GARNL3: variants seen among roughly 807,000 people sequenced by gnomAD.
GARNL3 encodes GTPase-activating Rap/Ran-GAP domain-like protein 3.
GARNL3 carries 63 observed loss-of-function variants against 125.0 expected under a neutral mutation model. The observed-to-expected ratio is 0.50, with a 90% confidence interval of 0.41 to 0.62. GARNL3 has a LOEUF of 0.62. GARNL3 is among the 20% of genes least tolerant of loss of function. GARNL3 has a pLI of 0.00. For missense variants in GARNL3, 994 were observed against 1,244.0 expected, an observed-to-expected ratio of 0.80 and a Z score of 3.02; for synonymous variants, 439 against 457.5, an observed-to-expected ratio of 0.96 and a Z score of 0.52.
At position 127,333,112 on chromosome 9, in the gene GARNL3, G is replaced by A; in HGVS notation, c.760G>A (p.Asp254Asn). The change falls in exon 9 of 28, where the codon GAT becomes AAT. Residue 254 changes from aspartate (D) to asparagine (N), a missense_variant. Coordinates refer to ENST00000373387, the MANE Select transcript of GARNL3 (RefSeq NM_032293.5). ...CTGGACGGGCTACCGTGGCGGTCTG[G>A]ATACCAAAAGTAAGCCTGCCTCTTG... ...KGWTGYRGGL[D>N]TKNDTTGIHS... 6.2e-7 allele frequency: 1 copy of A among 1,612,408 alleles called. No individual in the cohort carries two copies. The highest frequency in any genetic ancestry group is 8.5e-7 in the Non-Finnish European group (1 of 1,178,494).
rs76574996 is a variant in GARNL3, at chr9:127,270,694, C to T, written c.144+5673C>T. The stretch of plus-strand genomic sequence containing the variant: ...CTCAACATCCTATTTGTTTTCTTAG[C>T]AGTGCTTATCACAATCTATATTCAT... On this transcript the variant is annotated intron_variant, in intron 1 of 27. Transcript: ENST00000373387. Among the ~76,000 whole-genome samples the T allele has an allele frequency of 1.6e-3, 239 of 152,350 alleles. 5 individuals carry two copies. The East Asian group carries it at 0.044, about 28-fold the overall frequency.
intron 20 of GARNL3, 130 bp downstream of exon 20, chr9:127,355,602 C>T (rs1830646890): frequency 1.3e-6 from 1 of 790,994 alleles, no homozygotes; most frequent in Non-Finnish European, 2.1e-6. Context: ...AAACCCTCAT[C>T]TCTGGTGCCC....
chr9:127,316,144 G>A (rs1016491801), intron 4 of GARNL3, among the ~76,000 whole-genome samples: 1 of 152,142 alleles, frequency 6.6e-6, no homozygotes, highest in African/African-American at 2.4e-5. Flanking sequence ...CCTGAGTTTC[G>A]CACCCACATA....
intron 26 of GARNL3, among the ~76,000 whole-genome samples, chr9:127,389,610 A>G (rs1463129412): frequency 6.6e-6 from 1 of 152,118 alleles, no homozygotes; most frequent in Admixed American, 6.6e-5. Flanking sequence ...GATGCAAGAT[A>G]TGTGTTGAGC....
intron 22 of GARNL3, among the ~76,000 whole-genome samples, chr9:127,371,265 C>T (rs1289840420): frequency 6.6e-6 from 1 of 152,228 alleles, no homozygotes; most frequent in Non-Finnish European, 1.5e-5. Flanking sequence ...CACCTCTCCC[C>T]TCTGCACTGC....
rs762581417 is a variant in GARNL3 at position 127,264,962 on chromosome 9, G to T, written c.85G>T (p.Glu29Ter). 3.1e-6 allele frequency: 5 copies of T among 1,613,162 alleles called. No individual in the cohort carries two copies. ...MKHFCSSSVS[E>*]DLGCRRGDFS... ...GCATTTTTGTTCCAGCTCTGTCTCG[G>T]AAGACCTAGGCTGTAGACGTGGGGA... The change falls in exon 1 of 28, where the codon GAA becomes TAA. Residue 29 changes from glutamate (E) to a stop codon, truncating the protein, a stop_gained. Coordinates refer to ENST00000373387, the MANE Select transcript of GARNL3 (RefSeq NM_032293.5). LOFTEE classifies it high-confidence loss of function.
intron 1 of GARNL3, among the ~76,000 whole-genome samples, chr9:127,231,931 C>T (rs571195873): frequency 5.8e-4 from 88 of 152,326 alleles, no homozygotes; most frequent in Non-Finnish European, 1.1e-3. Flanking sequence ...TAATGCCATA[C>T]TGCTGGCCCA....
At position 127,313,464 on chromosome 9, in the gene GARNL3, G is replaced by A. The variant is rs751694009; in HGVS notation, c.343G>A (p.Asp115Asn). The A allele has an allele frequency of 2.5e-6, 4 of 1,613,744 alleles. No individual in the cohort carries two copies. Among genetic ancestry groups the A allele is most frequent in the Non-Finnish European group, 3.4e-6 (4 of 1,179,754 alleles). The change falls in exon 4 of 28, where the codon GAT becomes AAT. Residue 115 changes from aspartate to asparagine, a missense_variant. By Grantham distance (23) the Asp-to-Asn change is conservative. Transcript: ENST00000373387. ...GQVHQNYIGN[D>N]AEKSPFFLSV... ...AGTCCATCAGAACTACATTGGAAACGATGCCGAGAAGAGCCCTTTCTTCTT... is the reference window on the plus strand; with the variant it reads ...AGTCCATCAGAACTACATTGGAAACAATGCCGAGAAGAGCCCTTTCTTCTT...
intron 13 of GARNL3, 41 bp from the exon 14 acceptor site, chr9:127,342,178 G>C (rs1829895352): frequency 8.9e-7 from 1 of 1,124,994 alleles, no homozygotes; most frequent in African/African-American, 1.5e-5. Flanking sequence ...TGTGTGTCAA[G>C]AGATATCTTG....
At chr9:127,369,336 C>T (rs1167962473) in intron 22 of GARNL3, among the ~76,000 whole-genome samples, 2 of 152,198 alleles carry the variant, frequency 1.3e-5, no homozygotes, top group East Asian at 3.8e-4. Context: ...TCCTGTACCC[C>T]CGTGGAGATG....
intron 2 of GARNL3, among the ~76,000 whole-genome samples, chr9:127,255,040 A>G (rs1244448762): frequency 6.6e-6 from 1 of 152,212 alleles, no homozygotes; most frequent in Non-Finnish European, 1.5e-5. Context: ...TAGAATGCAT[A>G]TGCTGCTCAT....
intron 1 of GARNL3, among the ~76,000 whole-genome samples, chr9:127,228,489 A>G (rs1017632426): frequency 6.6e-6 from 1 of 152,222 alleles, no homozygotes; most frequent in African/African-American, 2.4e-5. Context: ...ATATTTGCCA[A>G]AGTGGTACCT....
At chr9:127,348,593 T>C (rs1334483730) in intron 16 of GARNL3, among the ~76,000 whole-genome samples, 1 of 152,214 alleles carries the variant, frequency 6.6e-6, no homozygotes, top group Non-Finnish European at 1.5e-5. Context: ...AGAGGCACCA[T>C]TTGGCCCAAC....
intron 9 of GARNL3, among the ~76,000 whole-genome samples, chr9:127,333,561 T>C (rs1224866534): frequency 1.3e-5 from 2 of 152,148 alleles, no homozygotes; most frequent in Non-Finnish European, 2.9e-5. Flanking sequence ...ATGGGGCATT[T>C]TGCCTAATCT....
At chr9:127,345,633 T>A (rs1166390874) in intron 16 of GARNL3, among the ~76,000 whole-genome samples, 156 bp downstream of exon 16, 4 of 152,200 alleles carry the variant, frequency 2.6e-5, no homozygotes, top group Admixed American at 2.6e-4. Context: ...GAGTGGCCAT[T>A]TAGTGAGAGC....
intron 1 of GARNL3, among the ~76,000 whole-genome samples, chr9:127,239,003 C>G (rs925192363): frequency 6.6e-6 from 1 of 152,142 alleles, no homozygotes; most frequent in Non-Finnish European, 1.5e-5. Flanking sequence ...GGTACAGAAG[C>G]AGTAGGAATG....
At chr9:127,262,215 C>T (rs909792061), upstream of GARNL3, among the ~76,000 whole-genome samples, 1 of 152,222 alleles carries the variant, frequency 6.6e-6, no homozygotes, top group Non-Finnish European at 1.5e-5. Context: ...GCAGCTTTAA[C>T]TGGTAGACTC....
intron 21 of GARNL3, among the ~76,000 whole-genome samples, chr9:127,360,895 G>A (rs1588931874): frequency 1.3e-5 from 2 of 152,240 alleles, no homozygotes; most frequent in East Asian, 3.8e-4. Context: ...CATTCTGAAA[G>A]TCACTGACAA....
At chr9:127,318,535 C>A (rs1365924155) in intron 5 of GARNL3, among the ~76,000 whole-genome samples, 1 of 152,172 alleles carries the variant, frequency 6.6e-6, no homozygotes, top group Non-Finnish European at 1.5e-5. Flanking sequence ...AATATTTTTC[C>A]TTCCATTTTT....
Sources: allele counts gnomAD v4.1 joint callset (sites outside exome capture counted in the v4.1 genomes callset), GRCh38; gene constraint gnomAD v4.1.1; transcripts MANE v1.5; gene names NCBI Gene and HGNC (gene_info 2026-07-23, HGNC 2026-07-21).